The following ADAM19 variants were observed in gnomAD, a reference collection of about 807,000 sequenced individuals.
ADAM19 encodes ADAM metallopeptidase domain 19, also known as disintegrin and metalloproteinase domain-containing protein 19.
A neutral mutation model predicts 114.7 loss-of-function variants in ADAM19; 65 were observed. The ratio of observed to expected loss-of-function variants is 0.57; its 90% CI spans 0.46 to 0.70. The LOEUF is 0.70. Ranked by LOEUF, ADAM19 falls within the 30% of genes least tolerant of loss-of-function variation. The pLI is 0.00. For synonymous variants in ADAM19, 466 were observed against 460.5 expected, an observed-to-expected ratio of 1.01 and a Z score of -0.15; for missense variants, 1,063 against 1,204.7, an observed-to-expected ratio of 0.88 and a Z score of 1.74.
chr5:157,575,563 G>T, intron 1 of ADAM19, 40 bp downstream of exon 1: 1 of 1,413,106 alleles, frequency 7.1e-7, no homozygotes, highest in African/African-American at 1.5e-5. Flanking sequence ...CCAGGTCTCC[G>T]GGCCACCCAG....
chr5:157,573,484 G>A (rs955679409), intron 1 of ADAM19, among the ~76,000 whole-genome samples: 9 of 152,172 alleles, frequency 5.9e-5, no homozygotes, highest in Non-Finnish European at 1.3e-4. Flanking sequence ...AATGGCTCAC[G>A]CCTGTAATCC....
At position 157,479,294 on chromosome 5, in the gene ADAM19, A is replaced by T; in HGVS notation, c.*1655T>A. On this transcript the variant is annotated 3_prime_UTR_variant, in exon 23 of 23. Coordinates refer to ENST00000257527, the MANE Select transcript of ADAM19 (RefSeq NM_033274.5). ...ACCCAAGAACATCCAAGAAGCACCT[A>T]TTGTGTGCAGAGAACTATAAGGAGG... 1 of 985,942 alleles carries T rather than the reference A, an allele frequency of 1.0e-6. No homozygotes were observed. The highest frequency in any genetic ancestry group is 4.7e-5 in the South Asian group (1 of 21,294). 61.1% of individuals were successfully genotyped at this position (985,942 alleles called of 1,614,324 possible).
intron 12 of ADAM19, among the ~76,000 whole-genome samples, chr5:157,500,153 T>C (rs537164315): frequency 1.3e-5 from 2 of 152,278 alleles, no homozygotes; most frequent in Admixed American, 1.3e-4. Flanking sequence ...AAGAACCATA[T>C]ATATGCACAA....
chr5:157,515,637 TG>T (rs1236790129), intron 7 of ADAM19, among the ~76,000 whole-genome samples: 8 of 152,184 alleles, frequency 5.3e-5, no homozygotes, highest in Non-Finnish European at 1.5e-5. Flanking sequence ...GATGTGACCA[TG>T]GGGTATAGTT....
chr5:157,515,915 G>A (rs776708192), intron 7 of ADAM19, among the ~76,000 whole-genome samples: 7 of 152,118 alleles, frequency 4.6e-5, no homozygotes, highest in Non-Finnish European at 5.9e-5. Context: ...CCCAGGGAGC[G>A]AGGAGCTGCC....
At position 157,477,364 on chromosome 5, in the gene ADAM19, C is replaced by T. The variant is rs1463971936; in HGVS notation, c.*3585G>A. On this transcript the variant is annotated 3_prime_UTR_variant, in exon 23 of 23. Transcript: ENST00000257527. ...AAATACTAACAAGGAAAAAAGGCAC[C>T]ATGGCCCATTCAAGTATTTTGCATA... The T allele has an allele frequency of 6.0e-6, 6 of 998,350 alleles. No individual in the cohort carries two copies. Among genetic ancestry groups the T allele is most frequent in the Non-Finnish European group, 6.0e-6 (5 of 836,922 alleles). The allele number at this position is 998,350 out of a possible 1,614,324, so 61.8% of individuals were successfully genotyped here. A position where few individuals can be genotyped will look rare whatever the true frequency, so the allele number is the denominator to read the frequency against.
chr5:157,485,671 C>A (rs1348947506), intron 21 of ADAM19, among the ~76,000 whole-genome samples: 5 of 152,240 alleles, frequency 3.3e-5, no homozygotes, highest in African/African-American at 7.2e-5. Flanking sequence ...CTTCAATCCA[C>A]AGGGCCCTCT....
At chr5:157,555,467 A>C (rs1757341099) in intron 3 of ADAM19, among the ~76,000 whole-genome samples, 1 of 152,194 alleles carries the variant, frequency 6.6e-6, no homozygotes, top group Admixed American at 6.5e-5. Context: ...TTATTGCTCA[A>C]TATGTTTTTT....
At chr5:157,542,290 G>A (rs73297233) in intron 3 of ADAM19, among the ~76,000 whole-genome samples, 2,773 of 151,562 alleles carry the variant, frequency 0.018, 95 homozygotes, top group African/African-American at 0.064. Context: ...TTATGTTTTC[G>A]GGTTCTGGGA....
At chr5:157,542,673 C>T (rs967818692) in intron 3 of ADAM19, among the ~76,000 whole-genome samples, 1 of 152,194 alleles carries the variant, frequency 6.6e-6, no homozygotes, top group East Asian at 1.9e-4. Context: ...GGTGTGGTGG[C>T]GCGCACCTGT....
chr5:157,497,639 C>A (rs1000133080), intron 13 of ADAM19, among the ~76,000 whole-genome samples: 32 of 151,928 alleles, frequency 2.1e-4, no homozygotes, highest in African/African-American at 7.7e-4. Context: ...TTACAAAGCA[C>A]CTCAGCAATA....
In ADAM19 at chr5:157,513,427, G is replaced by A; in HGVS notation, c.738+7C>T. On this transcript the variant is annotated splice_region_variant and intron_variant, in intron 8 of 22. Transcript: ENST00000257527. ...ACCTTTCCCACAAAGTACACACCTG[G>A]TCTCACCTTATCAACATAGTTGGCG... is the stretch of plus-strand genomic sequence containing the variant. The A allele has an allele frequency of 1.9e-6, 3 of 1,613,504 alleles. No individual in the cohort carries two copies. Among genetic ancestry groups the A allele is most frequent in the Admixed American group, 1.7e-5 (1 of 59,998 alleles).
intron 5 of ADAM19, among the ~76,000 whole-genome samples, chr5:157,525,514 A>T (rs578105023): frequency 6.6e-6 from 1 of 152,300 alleles, no homozygotes; most frequent in East Asian, 1.9e-4. Flanking sequence ...AGCCGGGGCT[A>T]ATCCCAGCTC....
chr5:157,505,267 A>G (rs1255529271), intron 11 of ADAM19, among the ~76,000 whole-genome samples: 1 of 152,058 alleles, frequency 6.6e-6, no homozygotes, highest in Non-Finnish European at 1.5e-5. Context: ...GTTCTGTTAC[A>G]TCGGAGCTTT....
Position 157,489,294 on chromosome 5 carries a change from C to T in ADAM19, c.2241-108G>A, listed in dbSNP as rs191077611. 3.6e-4 allele frequency: 286 copies of T among 784,022 alleles called. 1 individual carries two copies. The African/African-American group carries it at 4.5e-3, about 12-fold the overall frequency. 48.6% of individuals were successfully genotyped at this position (784,022 alleles called of 1,614,324 possible). The stretch of plus-strand genomic sequence containing the variant: ...CGGCCAGCAAGCAGCTAAATCTTTC[C>T]CAAGTCTGCTCTGGAGGGAGTGGGA... On this transcript the variant is annotated intron_variant, in intron 19 of 22. Coordinates refer to ENST00000257527, the MANE Select transcript of ADAM19 (RefSeq NM_033274.5).
Position 157,479,549 on chromosome 5 carries a change from C to T in ADAM19, c.*1400G>A. 1.0e-6 allele frequency: 1 copy of T among 985,938 alleles called. No individual in the cohort carries two copies. Among genetic ancestry groups the T allele is most frequent in the Non-Finnish European group, 1.2e-6 (1 of 829,990 alleles). 61.1% of individuals were successfully genotyped at this position (985,938 alleles called of 1,614,324 possible). ...AACCGTCCTATCTAGCAAAGCACCA[C>T]ACGGCCCTCCTTCCCTGCTGCAGGG... On this transcript the variant is annotated 3_prime_UTR_variant, in exon 23 of 23. Coordinates refer to ENST00000257527, the MANE Select transcript of ADAM19 (RefSeq NM_033274.5).
intron 4 of ADAM19, among the ~76,000 whole-genome samples, chr5:157,534,908 TTG>T (rs1238725418): frequency 6.6e-6 from 1 of 152,170 alleles, no homozygotes; most frequent in East Asian, 1.9e-4. Context: ...GGAACTTGGC[TTG>T]TCAGAGCTCT....
At chr5:157,527,214 G>T (rs969652517) in intron 5 of ADAM19, among the ~76,000 whole-genome samples, 28 of 151,726 alleles carry the variant, frequency 1.8e-4, no homozygotes, top group African/African-American at 5.8e-4. Context: ...ACTTTTTTTT[G>T]TTTGTTTGTT....
At chr5:157,518,344 T>C (rs990766693) in intron 7 of ADAM19, among the ~76,000 whole-genome samples, 2 of 150,870 alleles carry the variant, frequency 1.3e-5, no homozygotes, top group African/African-American at 2.4e-5. Context: ...GTTGGGGGAG[T>C]TCCCCCCAAC....
Sources: gnomAD v4.1 joint callset for allele counts (sites outside exome capture counted in the v4.1 genomes callset) on GRCh38, gnomAD v4.1.1 for gene constraint, MANE v1.5 for transcripts, NCBI Gene and HGNC (gene_info 2026-07-23, HGNC 2026-07-21) for gene names.